Variants in RGS22 observed in about 807,000 individuals in gnomAD.
RGS22 encodes regulator of G-protein signaling 22.
RGS22 carries 148 observed loss-of-function variants against 172.9 expected under a neutral mutation model. The ratio of observed to expected loss-of-function variants is 0.86; its 90% CI spans 0.75 to 0.98. RGS22 has a LOEUF of 0.98. Among genes scored for constraint, RGS22 ranks in the 50% least tolerant of loss-of-function variants. The pLI is 0.00. For synonymous variants in RGS22, 458 were observed against 480.2 expected (o/e 0.95, Z 0.60); for missense variants, 1,347 against 1,440.8 (o/e 0.93, Z 1.05).
intron 6 of RGS22, among the ~76,000 whole-genome samples, chr8:100,068,106 C>T (rs1055272172): frequency 6.6e-6 from 1 of 152,008 alleles, no homozygotes; most frequent in East Asian, 1.9e-4. Flanking sequence ...ATAGTTAAAG[C>T]GGCAATGTGT....
intron 11 of RGS22, among the ~76,000 whole-genome samples, chr8:100,044,944 A>T (rs1435552908): frequency 6.6e-6 from 1 of 152,170 alleles, no homozygotes; most frequent in Non-Finnish European, 1.5e-5. Flanking sequence ...ACACACAAAA[A>T]ATTCGGATGT....
intron 14 of RGS22, among the ~76,000 whole-genome samples, chr8:100,030,761 C>G (rs535178309): frequency 1.6e-4 from 25 of 152,230 alleles, no homozygotes; most frequent in Admixed American, 1.2e-3. Flanking sequence ...TCTACTACCA[C>G]TAGCAGGCTC....
In RGS22 at chr8:100,008,373, A is replaced by G. The variant is rs1588962705; in HGVS notation, c.2361+2T>C. 3.1e-6 allele frequency: 5 copies of G among 1,606,990 alleles called. No homozygotes were observed. Among genetic ancestry groups the G allele is most frequent in the South Asian group, 1.1e-5 (1 of 89,250 alleles). ...ACACTCAATTTATCGGTGGCACGGT[A>G]CCTTTTTATAAGCAATTTGGTCCGA... On this transcript the variant is annotated splice_donor_variant, in intron 15 of 27. Transcript: ENST00000360863. LOFTEE classifies it high-confidence loss of function.
At position 100,002,358 on chromosome 8, in the gene RGS22, A is replaced by T; in HGVS notation, c.2634T>A (p.Asp878Glu). The T allele has an allele frequency of 1.3e-6, 2 of 1,599,464 alleles. No homozygotes were observed. The highest frequency in any genetic ancestry group is 1.1e-5 in the South Asian group (1 of 87,876). The change falls in exon 18 of 28, where the codon GAT (aspartate) becomes GAA (glutamate). Residue 878 changes from aspartate (D) to glutamate (E), a missense_variant. Coordinates refer to ENST00000360863, the MANE Select transcript of RGS22 (RefSeq NM_015668.5). ...QFLETHSSSMDLMCWTDIEQF... is the reference protein window; with the variant it reads ...QFLETHSSSMELMCWTDIEQF... ...GCTCAATGTCTGTCCAGCACATAAGATCCATGCTAAAATGAAAACAAAAAC... is the reference window on the plus strand; with the variant it reads ...GCTCAATGTCTGTCCAGCACATAAGTTCCATGCTAAAATGAAAACAAAAAC...
intron 4 of RGS22, among the ~76,000 whole-genome samples, chr8:100,079,429 C>T (rs2131893623): frequency 6.6e-6 from 1 of 152,136 alleles, no homozygotes; most frequent in East Asian, 1.9e-4. Context: ...AATTGAAGAA[C>T]TTTCAGGCTA....
intron 2 of RGS22, among the ~76,000 whole-genome samples, chr8:100,100,849 CTTAA>C (rs1027283354): frequency 6.6e-6 from 1 of 152,158 alleles, no homozygotes; most frequent in African/African-American, 2.4e-5. Context: ...TAAAGTTTAT[CTTAA>C]TTTGATAGTA....
chr8:100,098,118 T>C (rs1340740669), intron 2 of RGS22, among the ~76,000 whole-genome samples: 4 of 152,226 alleles, frequency 2.6e-5, no homozygotes, highest in Admixed American at 2.6e-4. Context: ...GTCATCTATA[T>C]TTCCCCTATA....
intron 3 of RGS22, among the ~76,000 whole-genome samples, chr8:100,081,650 G>T (rs1324619765): frequency 6.6e-6 from 1 of 151,904 alleles, no homozygotes; most frequent in Non-Finnish European, 1.5e-5. Flanking sequence ...ATTCAAACAG[G>T]CACCATTTAC....
chr8:100,054,186 G>A (rs1173725029), intron 9 of RGS22: 1 of 150,200 alleles, frequency 6.7e-6, no homozygotes, highest in Admixed American at 6.6e-5. Context: ...AACTCCAGCT[G>A]TAAGAGCCTG....
chr8:100,007,294 G>A (rs1242426899), intron 15 of RGS22, among the ~76,000 whole-genome samples: 22 of 152,196 alleles, frequency 1.4e-4, no homozygotes, highest in Non-Finnish European at 2.9e-5. Context: ...CACAGTACAT[G>A]CATTAACTTA....
intron 14 of RGS22, among the ~76,000 whole-genome samples, chr8:100,020,899 G>A (rs1434077451): frequency 6.6e-6 from 1 of 152,134 alleles, no homozygotes; most frequent in Non-Finnish European, 1.5e-5. Context: ...ATTATATGAT[G>A]GGGTGCTACT....
In RGS22 at chr8:100,032,264, G is replaced by A. The variant is rs189628297; in HGVS notation, c.2166+6667C>T. ...AGACCCATCAGTGTGCTGTATTCAG[G>A]AGACCCATCTCACGTGCAGAGACAC... On this transcript the variant is annotated intron_variant, in intron 14 of 27. Coordinates refer to ENST00000360863, the MANE Select transcript of RGS22 (RefSeq NM_015668.5). Among the ~76,000 whole-genome samples, 3 of 152,234 alleles carry A rather than the reference G, an allele frequency of 2.0e-5. 1 individual carries two copies. The highest frequency in any genetic ancestry group is 2.0e-4 in the Admixed American group (3 of 15,282).
chr8:100,062,554 GA>G, intron 9 of RGS22, 36 bp downstream of exon 9: 1 of 1,410,634 alleles, frequency 7.1e-7, no homozygotes, highest in Non-Finnish European at 9.8e-7. Context: ...CTGGCGTAAG[GA>G]AAGTGAAAGT....
rs755449687 is a variant in RGS22 at position 100,062,571 on chromosome 8, A to G, written c.1514+20T>C. Reference sequence around the variant, plus strand: ...GGCGTAAGGAAAGTGAAAGTAAGTAACTGATTCATGTTTTCTTACCAATAC... The same window carrying G: ...GGCGTAAGGAAAGTGAAAGTAAGTAGCTGATTCATGTTTTCTTACCAATAC... On this transcript the variant is annotated intron_variant, in intron 9 of 27. Transcript: ENST00000360863. The G allele has an allele frequency of 1.3e-6, 2 of 1,523,532 alleles. No individual in the cohort carries two copies. Among genetic ancestry groups the G allele is most frequent in the South Asian group, 1.2e-5 (1 of 84,906 alleles). The allele number at this position is 1,523,532 out of a possible 1,614,324, so 94.4% of individuals were successfully genotyped here.
At chr8:100,019,349 A>G (rs1048756573) in intron 14 of RGS22, among the ~76,000 whole-genome samples, 7 of 152,248 alleles carry the variant, frequency 4.6e-5, no homozygotes, top group African/African-American at 1.4e-4. Context: ...GAACAGTTTC[A>G]CATACTTCGT....
chr8:100,074,854 G>A (rs1327815854), intron 4 of RGS22, among the ~76,000 whole-genome samples: 7 of 151,630 alleles, frequency 4.6e-5, no homozygotes, highest in Non-Finnish European at 1.0e-4. Context: ...TGCAAGTTCT[G>A]CCTCCCAGGT....
intron 14 of RGS22, among the ~76,000 whole-genome samples, chr8:100,026,456 T>C (rs950024967): frequency 6.6e-6 from 1 of 152,238 alleles, no homozygotes; most frequent in Non-Finnish European, 1.5e-5. Flanking sequence ...TTGTGAAATT[T>C]TGCAAATACA....
At chr8:100,043,285 T>C (rs1820337652) in intron 11 of RGS22, among the ~76,000 whole-genome samples, 1 of 151,862 alleles carries the variant, frequency 6.6e-6, no homozygotes, top group South Asian at 2.1e-4. Context: ...CTCCTGCCCG[T>C]GGTTAATCTA....
intron 4 of RGS22, among the ~76,000 whole-genome samples, chr8:100,079,700 T>C (rs933101460): frequency 1.3e-5 from 2 of 151,782 alleles, no homozygotes; most frequent in Non-Finnish European, 2.9e-5. Flanking sequence ...GGAGACAAAA[T>C]CCAGAAGCTG....
Sources: gnomAD v4.1 joint callset for allele counts (sites outside exome capture counted in the v4.1 genomes callset) on GRCh38, gnomAD v4.1.1 for gene constraint, MANE v1.5 for transcripts, NCBI Gene and HGNC (gene_info 2026-07-23, HGNC 2026-07-21) for gene names.